Variants in KCNIP4 observed in about 807,000 individuals in gnomAD.
KCNIP4 encodes potassium voltage-gated channel interacting protein 4.
In KCNIP4, 12 loss-of-function variants were observed where a neutral mutation model predicts 34.0. The observed-to-expected ratio is 0.35, with a 90% CI of 0.23 to 0.57. The LOEUF is 0.57. Ranked by LOEUF, KCNIP4 falls within the 20% of genes least tolerant of loss-of-function variation. The pLI is 0.83. For missense variants in KCNIP4, 238 were observed against 311.7 expected (o/e 0.76, Z 1.78); for synonymous variants, 124 against 102.2 (o/e 1.21, Z -1.29).
intron 1 of KCNIP4, among the ~76,000 whole-genome samples, chr4:20,913,471 C>A (rs58177293): frequency 0.024 from 3,643 of 152,194 alleles, 130 homozygotes; most frequent in African/African-American, 0.075. Flanking sequence ...GTAATGATTG[C>A]ATAACCTTGT....
chr4:21,176,668 T>C (rs1378963108), intron 1 of KCNIP4, among the ~76,000 whole-genome samples: 1 of 152,188 alleles, frequency 6.6e-6, no homozygotes, highest in Non-Finnish European at 1.5e-5. Context: ...GATTCAGGCA[T>C]GTGCCACCAC....
chr4:21,679,235 C>T lies in KCNIP4; in HGVS notation c.61+269336G>A, dbSNP rs556790422. On this transcript the variant is annotated intron_variant, in intron 1 of 8. Coordinates refer to ENST00000382152, the MANE Select transcript of KCNIP4 (RefSeq NM_025221.6). ...TCTAACCTCCACAGTCTTCCCAAAC[C>T]GACTTATCCTATTGTATATTTACCC... Among the ~76,000 whole-genome samples the T allele has an allele frequency of 1.8e-4, 27 of 152,222 alleles. 1 individual carries two copies. In the Middle Eastern group the frequency reaches 0.014, roughly 77 times the overall value.
intron 1 of KCNIP4, among the ~76,000 whole-genome samples, chr4:21,784,059 A>G (rs189256032): frequency 1.4e-5 from 2 of 145,620 alleles, no homozygotes; most frequent in Admixed American, 6.8e-5. Context: ...ACAGTTCTGC[A>G]TGGCTGGGGA....
intron 1 of KCNIP4, among the ~76,000 whole-genome samples, chr4:21,803,581 C>T (rs539434302): frequency 3.9e-5 from 6 of 152,270 alleles, no homozygotes; most frequent in Admixed American, 3.9e-4. Context: ...CCCACCATTA[C>T]CCTGCCCTCT....
At chr4:20,970,834 C>T (rs536453906) in intron 1 of KCNIP4, among the ~76,000 whole-genome samples, 61 of 152,220 alleles carry the variant, frequency 4.0e-4, no homozygotes, top group African/African-American at 1.4e-3. Flanking sequence ...CCATGATCTA[C>T]CTAACAGTTC....
chr4:21,199,157 C>T (rs1319411692), intron 1 of KCNIP4, among the ~76,000 whole-genome samples: 1 of 152,202 alleles, frequency 6.6e-6, no homozygotes, highest in East Asian at 1.9e-4. Context: ...CACTAACTTC[C>T]ACAATGGATG....
chr4:21,915,873 GC>G (rs5856677), intron 1 of KCNIP4, among the ~76,000 whole-genome samples: 38,534 of 152,080 alleles, frequency 0.25, 5,700 homozygotes, highest in East Asian at 0.61. Context: ...GTCTTCCATG[GC>G]CCTTTCTGCC....
chr4:20,830,277 TC>T (rs922646883), intron 3 of KCNIP4, among the ~76,000 whole-genome samples: 8 of 152,282 alleles, frequency 5.3e-5, no homozygotes, highest in South Asian at 2.1e-4. Context: ...TTACAGGTAA[TC>T]CAAAAACTTC....
At chr4:21,108,302 T>C (rs1332033888) in intron 1 of KCNIP4, among the ~76,000 whole-genome samples, 1 of 135,248 alleles carries the variant, frequency 7.4e-6, no homozygotes, top group Non-Finnish European at 1.6e-5. Flanking sequence ...GCTCGTTTCT[T>C]TTTATTTTTT....
intron 1 of KCNIP4, among the ~76,000 whole-genome samples, chr4:21,933,971 G>A (rs115639942): frequency 0.01 from 1,576 of 152,136 alleles, 25 homozygotes; most frequent in African/African-American, 0.035. Context: ...CTTTCATTAA[G>A]GCATAATATT....
At chr4:20,865,053 T>C (rs187827521) in intron 2 of KCNIP4, among the ~76,000 whole-genome samples, 1 of 152,230 alleles carries the variant, frequency 6.6e-6, no homozygotes, top group Admixed American at 6.6e-5. Flanking sequence ...TTCATTATCA[T>C]ATCTGAGCAA....
At chr4:21,724,812 C>T (rs529223055) in intron 1 of KCNIP4, among the ~76,000 whole-genome samples, 22 of 152,188 alleles carry the variant, frequency 1.4e-4, no homozygotes, top group Admixed American at 7.2e-4. Context: ...AAGAAAGAGA[C>T]AGCTTGCAGG....
rs5856652 is a variant in KCNIP4 at position 21,629,849 on chromosome 4, C to CTTTTTTTTTTTTTTTTTTTTTT, written c.61+318721_61+318722insAAAAAAAAAAAAAAAAAAAAAA. ...ACCATATTTCCTTTTCTTTTTCTTT[C>CTTTTTTTTTTTTTTTTTTTTTT]TTTTTTTTTTTTTTTTTTTGAGACA... On this transcript the variant is annotated intron_variant, in intron 1 of 8. Coordinates refer to ENST00000382152, the MANE Select transcript of KCNIP4 (RefSeq NM_025221.6). 1.5e-3 allele frequency among the ~76,000 whole-genome samples: 131 copies of CTTTTTTTTTTTTTTTTTTTTTT among 87,784 alleles called. 3 individuals are homozygous for CTTTTTTTTTTTTTTTTTTTTTT. The highest frequency in any genetic ancestry group is 1.7e-3 in the Non-Finnish European group (85 of 50,162). 57.6% of individuals were successfully genotyped at this position (87,784 alleles called of 152,430 possible).
chr4:20,741,162 T>G (rs1246112007), intron 5 of KCNIP4, among the ~76,000 whole-genome samples: 3 of 152,118 alleles, frequency 2.0e-5, no homozygotes, highest in Admixed American at 6.5e-5. Flanking sequence ...CACAGATCAA[T>G]GAGACAGAAA....
chr4:21,372,050 T>C (rs1720497259), intron 1 of KCNIP4, among the ~76,000 whole-genome samples: 1 of 147,140 alleles, frequency 6.8e-6, no homozygotes, highest in Non-Finnish European at 1.5e-5. Flanking sequence ...AGAAACAAAA[T>C]TTGGTGCTTC....
At chr4:21,128,171 A>G (rs1002456641) in intron 1 of KCNIP4, among the ~76,000 whole-genome samples, 4 of 152,218 alleles carry the variant, frequency 2.6e-5, no homozygotes, top group African/African-American at 9.6e-5. Context: ...AAACCAGAAC[A>G]GCTTGAAAAC....
chr4:20,986,726 A>G (rs1419561350), intron 1 of KCNIP4, among the ~76,000 whole-genome samples: 1 of 152,188 alleles, frequency 6.6e-6, no homozygotes, highest in Admixed American at 6.5e-5. Context: ...GAGAGTTGGT[A>G]AAGTATTTTA....
At chr4:20,979,468 G>A (rs1283341615) in intron 1 of KCNIP4, among the ~76,000 whole-genome samples, 2 of 148,350 alleles carry the variant, frequency 1.3e-5, no homozygotes, top group Non-Finnish European at 3.0e-5. Flanking sequence ...GCGAGATCTC[G>A]GCTCACTGCA....
intron 1 of KCNIP4, among the ~76,000 whole-genome samples, chr4:21,658,145 AATTTT>A (rs1214371491): frequency 3.9e-5 from 6 of 152,070 alleles, no homozygotes; most frequent in African/African-American, 1.4e-4. Flanking sequence ...GCCTAAATGT[AATTTT>A]ATTTAAGATA....
Sources: gnomAD v4.1 joint callset for allele counts (sites outside exome capture counted in the v4.1 genomes callset) on GRCh38, gnomAD v4.1.1 for gene constraint, MANE v1.5 for transcripts, NCBI Gene and HGNC (gene_info 2026-07-23, HGNC 2026-07-21) for gene names.